The following TBCK variants were observed in gnomAD, a reference collection of about 807,000 sequenced individuals.
The protein encoded by TBCK is TBC1 domain containing kinase.
Under a neutral mutation model 113.4 loss-of-function variants are expected in TBCK, and 99 were observed. That is an observed-to-expected ratio of 0.87 (90% CI 0.74 to 1.03). The LOEUF (loss-of-function observed/expected upper bound fraction) is 1.03, where lower values mean the gene tolerates loss of function less well. TBCK is among the 50% of genes least tolerant of loss of function. TBCK has a pLI of 0.00. For missense variants in TBCK, 1,045 were observed against 1,061.3 expected (o/e 0.98, Z 0.21); for synonymous variants, 369 against 370.8 (o/e 1.00, Z 0.05).
chr4:106,273,562 T>A (rs1246860005), intron 3 of TBCK, among the ~76,000 whole-genome samples: 1 of 152,202 alleles, frequency 6.6e-6, no homozygotes, highest in Non-Finnish European at 1.5e-5. Context: ...AAAGGGTGTT[T>A]TCATTTGAGA....
intron 3 of TBCK, among the ~76,000 whole-genome samples, chr4:106,267,595 A>G (rs910673962): frequency 2.0e-5 from 3 of 152,016 alleles, no homozygotes; most frequent in African/African-American, 4.8e-5. Context: ...GAGACCTACA[A>G]AAGTCATAAA....
At chr4:106,064,706 G>A (rs1016978764) in intron 25 of TBCK, among the ~76,000 whole-genome samples, 7 of 152,036 alleles carry the variant, frequency 4.6e-5, no homozygotes, top group Admixed American at 4.6e-4. Context: ...AGTCTTATGA[G>A]TTTCAGAGAC....
chr4:106,096,644 G>A (rs1024568607), intron 24 of TBCK, among the ~76,000 whole-genome samples: 2 of 152,172 alleles, frequency 1.3e-5, no homozygotes, highest in African/African-American at 4.8e-5. Context: ...CTAGGTTGTC[G>A]TGTTGGTATC....
intron 3 of TBCK, among the ~76,000 whole-genome samples, chr4:106,281,506 A>T (rs541761167): frequency 2.0e-5 from 3 of 152,190 alleles, no homozygotes; most frequent in Non-Finnish European, 4.4e-5. Context: ...GATCTTAGTA[A>T]AAAGGCTTTC....
At chr4:106,230,861 C>T (rs1207787265) in intron 18 of TBCK, among the ~76,000 whole-genome samples, 1 of 151,800 alleles carries the variant, frequency 6.6e-6, no homozygotes, top group Non-Finnish European at 1.5e-5. Context: ...CATTTTCAAA[C>T]ACAGACCCCT....
chr4:106,292,378 T>C (rs369997852), intron 3 of TBCK, among the ~76,000 whole-genome samples: 1 of 152,054 alleles, frequency 6.6e-6, no homozygotes, highest in Non-Finnish European at 1.5e-5. Flanking sequence ...GAGATCATCC[T>C]GGCTAACACG....
intron 23 of TBCK, among the ~76,000 whole-genome samples, chr4:106,156,274 A>G (rs1230797400): frequency 6.6e-6 from 1 of 152,080 alleles, no homozygotes; most frequent in Non-Finnish European, 1.5e-5. Context: ...GTGGTGTGAC[A>G]CAAGCATCTT....
intron 21 of TBCK, among the ~76,000 whole-genome samples, chr4:106,194,418 T>A (rs905397847): frequency 6.6e-6 from 1 of 152,086 alleles, no homozygotes; most frequent in Non-Finnish European, 1.5e-5. Context: ...CTGATTTGAT[T>A]GTAATAGTTG....
intron 19 of TBCK, among the ~76,000 whole-genome samples, chr4:106,229,907 A>G (rs978764580): frequency 1.3e-5 from 2 of 151,964 alleles, no homozygotes; most frequent in African/African-American, 2.4e-5. Flanking sequence ...ACTCTTAAGG[A>G]GGAGGTATAT....
chr4:106,231,522 T>C (rs1758854963), intron 18 of TBCK, among the ~76,000 whole-genome samples: 1 of 151,706 alleles, frequency 6.6e-6, no homozygotes, highest in Admixed American at 6.6e-5. Flanking sequence ...TCCACTAAAT[T>C]TCTAGTAATA....
chr4:106,167,961 T>C (rs1750582465), intron 23 of TBCK, among the ~76,000 whole-genome samples: 1 of 151,832 alleles, frequency 6.6e-6, no homozygotes, highest in East Asian at 1.9e-4. Context: ...CTACAATTTC[T>C]TTGAGAGGAC....
At chr4:106,281,263 T>C (rs181424424) in intron 3 of TBCK, among the ~76,000 whole-genome samples, 1 of 152,134 alleles carries the variant, frequency 6.6e-6, no homozygotes, top group African/African-American at 2.4e-5. Flanking sequence ...TTTGATTTTG[T>C]ATCATGCAAC....
chr4:106,180,430 G>A (rs1041287176), intron 22 of TBCK, among the ~76,000 whole-genome samples: 2 of 151,782 alleles, frequency 1.3e-5, no homozygotes, highest in African/African-American at 4.8e-5. Context: ...TACATGTGCA[G>A]AATGTGCAGT....
At chr4:106,153,240 T>C (rs746889510) in intron 23 of TBCK, among the ~76,000 whole-genome samples, 7 of 152,044 alleles carry the variant, frequency 4.6e-5, no homozygotes, top group South Asian at 2.1e-4. Flanking sequence ...CTGTACTTCA[T>C]AGGTTTTATG....
At chr4:106,163,804 C>T (rs1579093739) in intron 23 of TBCK, among the ~76,000 whole-genome samples, 1 of 152,082 alleles carries the variant, frequency 6.6e-6, no homozygotes, top group Non-Finnish European at 1.5e-5. Context: ...AATTCAAGAT[C>T]AGACTTTGGG....
intron 3 of TBCK, among the ~76,000 whole-genome samples, chr4:106,276,176 C>A (rs1370186530): frequency 5.9e-5 from 9 of 152,070 alleles, no homozygotes; most frequent in Non-Finnish European, 1.5e-5. Context: ...AATGAAAATT[C>A]TTTTAAACGA....
At chr4:106,147,835 C>T (rs1463729026) in intron 23 of TBCK, among the ~76,000 whole-genome samples, 1 of 152,226 alleles carries the variant, frequency 6.6e-6, no homozygotes, top group Non-Finnish European at 1.5e-5. Context: ...TAAACTCTGA[C>T]CACCAGTGAG....
chr4:106,310,632 C>T (rs1419740969), intron 1 of TBCK: 2 of 152,074 alleles, frequency 1.3e-5, no homozygotes, highest in African/African-American at 4.8e-5. Flanking sequence ...TTTGTAGGAC[C>T]CCAGCTAAGA....
intron 18 of TBCK, among the ~76,000 whole-genome samples, chr4:106,230,724 A>C (rs1429391941): frequency 3.3e-5 from 5 of 151,924 alleles, no homozygotes; most frequent in Non-Finnish European, 7.4e-5. Flanking sequence ...TATTACCTAA[A>C]CGTTGTTTCT....
Sources: gnomAD v4.1 joint callset for allele counts (sites outside exome capture counted in the v4.1 genomes callset) on GRCh38, gnomAD v4.1.1 for gene constraint, MANE v1.5 for transcripts, NCBI Gene and HGNC (gene_info 2026-07-23, HGNC 2026-07-21) for gene names.